Variants in PRR19 observed in about 807,000 individuals in gnomAD.
PRR19 encodes the protein proline-rich protein 19.
A neutral mutation model predicts 19.2 loss-of-function variants in PRR19; 9 were observed. The ratio of observed to expected loss-of-function variants is 0.47; its 90% CI spans 0.28 to 0.82. PRR19 has a LOEUF of 0.82. Ranked by LOEUF, PRR19 falls within the 40% of genes least tolerant of loss-of-function variation. PRR19 has a pLI of 0.11. For missense variants in PRR19, 457 were observed against 466.0 expected (o/e 0.98, Z 0.18); for synonymous variants, 190 against 191.0 (o/e 0.99, Z 0.04).
chr19:42,305,818 G>T (rs2038701010), intron 1 of PRR19, among the ~76,000 whole-genome samples: 1 of 152,152 alleles, frequency 6.6e-6, no homozygotes, highest in African/African-American at 2.4e-5. Flanking sequence ...AGGTCACACA[G>T]CCCAGTTGTG....
intron 1 of PRR19, 49 bp from the exon 2 acceptor site, chr19:42,309,530 C>T (rs1193819361): frequency 1.3e-5 from 18 of 1,409,994 alleles, no homozygotes; most frequent in East Asian, 2.3e-5. Context: ...CTTTGCTACT[C>T]CCCTTGACTT....
chr19:42,302,623 A>G, intron 1 of PRR19, 120 bp downstream of exon 1: 1 of 367,938 alleles, frequency 2.7e-6, no homozygotes, highest in Non-Finnish European at 5.0e-6. Context: ...GGGGGGAGGG[A>G]GAGGCGAGAC....
Position 42,310,531 on chromosome 19 carries a change from A to C in PRR19, c.862A>C (p.Ser288Arg). 6.2e-7 allele frequency: 1 copy of C among 1,614,186 alleles called. No individual in the cohort carries two copies. Residue 288 changes from serine to arginine, a missense_variant, in exon 3 of 3, where the codon AGC becomes CGC. Coordinates refer to ENST00000341747, the MANE Select transcript of PRR19 (RefSeq NM_199285.3). The stretch of plus-strand genomic sequence containing the variant: ...CCCAACAGCGTTTGACTTGTTAAAA[A>C]GCATCTGGCTGGTAGCCACGCCACC... The part of the protein sequence containing the change: ...GPPTAFDLLK[S>R]IWLVATPPPP...
chr19:42,309,483 A>G (rs1239716566), intron 1 of PRR19, 96 bp from the exon 2 acceptor site: 8 of 921,732 alleles, frequency 8.7e-6, no homozygotes, highest in Non-Finnish European at 1.3e-5. Context: ...TGTTGGTATT[A>G]CAGGCATAAG....
intron 1 of PRR19, among the ~76,000 whole-genome samples, chr19:42,306,327 C>A (rs1470303513): frequency 7.2e-5 from 11 of 152,240 alleles, no homozygotes; most frequent in Admixed American, 7.2e-4. Context: ...GCGCCCGCCA[C>A]CACGCCCGGC....
chr19:42,307,792 C>T (rs189949200), intron 1 of PRR19, among the ~76,000 whole-genome samples: 3 of 102,100 alleles, frequency 2.9e-5, no homozygotes, highest in Admixed American at 1.3e-4. Context: ...GAGTCTCGCT[C>T]GGTCATCCAG....
intron 1 of PRR19, among the ~76,000 whole-genome samples, chr19:42,308,118 T>C (rs1276963252): frequency 6.6e-6 from 1 of 152,156 alleles, no homozygotes; most frequent in Non-Finnish European, 1.5e-5. Context: ...CTCTGTTTCC[T>C]GGCTTATCTT....
At position 42,310,505 on chromosome 19, in the gene PRR19, C is replaced by T; in HGVS notation, c.836C>T (p.Pro279Leu). The stretch of plus-strand genomic sequence containing the variant: ...TCGCCATCTGGAACAGCCTGGGGTC[C>T]CCCAACAGCGTTTGACTTGTTAAAA... ...LSSPSGTAWG[P>L]PTAFDLLKSI... The change falls in exon 3 of 3, where the codon CCC (proline) becomes CTC (leucine). Residue 279 changes from proline (P) to leucine (L), a missense_variant. Coordinates refer to ENST00000341747, the MANE Select transcript of PRR19 (RefSeq NM_199285.3). The T allele has an allele frequency of 1.9e-6, 3 of 1,614,216 alleles. No homozygotes were observed. The highest frequency in any genetic ancestry group is 2.5e-6 in the Non-Finnish European group (3 of 1,180,030).
chr19:42,306,448 C>G (rs2038707621), intron 1 of PRR19, among the ~76,000 whole-genome samples: 1 of 152,138 alleles, frequency 6.6e-6, no homozygotes, highest in South Asian at 2.1e-4. Flanking sequence ...GCTGGGATTA[C>G]AGGCGTGAGC....
At chr19:42,304,839 T>G (rs2038691707) in intron 1 of PRR19, among the ~76,000 whole-genome samples, 1 of 150,056 alleles carries the variant, frequency 6.7e-6, no homozygotes, top group African/African-American at 2.5e-5. Flanking sequence ...GCCTGGGAGA[T>G]GAGGTGGCAG....
rs766531159 is a variant in PRR19 at position 42,310,399 on chromosome 19, A to G, written c.730A>G (p.Thr244Ala). 8.1e-6 allele frequency: 13 copies of G among 1,613,762 alleles called. No homozygotes were observed. Among genetic ancestry groups the G allele is most frequent in the Non-Finnish European group, 1.1e-5 (13 of 1,179,974 alleles). Residue 244 changes from threonine (T) to alanine (A), a missense_variant, in exon 3 of 3, where the codon ACC (threonine) becomes GCC (alanine). By Grantham distance (58) the Thr-to-Ala change is moderately conservative. Transcript: ENST00000341747. ...GGAGTTCACCTTCCCCATGCCCTAC[A>G]CCTCCAGCATGCCCACTGCGCACAG... ...TKEFTFPMPYTSSMPTAHRGS... is the reference protein window; with the variant it reads ...TKEFTFPMPYASSMPTAHRGS...
chr19:42,302,529 T>C (rs1212015641), intron 1 of PRR19, 26 bp downstream of exon 1: 2 of 504,994 alleles, frequency 4.0e-6, no homozygotes, highest in Non-Finnish European at 7.0e-6. Flanking sequence ...AACCTTCGCT[T>C]CCCCCACGAC....
In PRR19 at chr19:42,310,342, C is replaced by T; in HGVS notation, c.673C>T (p.Gln225Ter). The change falls in exon 3 of 3, where the codon CAG (glutamine) becomes TAG (stop). Residue 225 changes from glutamine (Q) to a stop codon, truncating the protein, a stop_gained. Coordinates refer to ENST00000341747, the MANE Select transcript of PRR19 (RefSeq NM_199285.3). LOFTEE classifies it low-confidence loss of function (END_TRUNC). ...WINSPDQVPE[Q>*]ERQRKQQGTK... is the part of the protein sequence containing the mutation. ...TAATAGCCCTGATCAAGTCCCAGAG[C>T]AGGAGAGGCAAAGGAAGCAACAAGG... 1 of 1,614,154 alleles carries T rather than the reference C, an allele frequency of 6.2e-7. No individual in the cohort carries two copies. The highest frequency in any genetic ancestry group is 2.2e-5 in the East Asian group (1 of 44,878).
At chr19:42,304,269 C>T (rs1288869439) in intron 1 of PRR19, among the ~76,000 whole-genome samples, 2 of 151,312 alleles carry the variant, frequency 1.3e-5, no homozygotes, top group Non-Finnish European at 2.9e-5. Flanking sequence ...CAACAGTGGC[C>T]CAGCTTGGGT....
Position 42,310,149 on chromosome 19 carries a change from GC to G in PRR19, c.568del (p.Leu190TrpfsTer22). The G allele has an allele frequency of 6.2e-7, 1 of 1,614,066 alleles. No individual in the cohort carries two copies. The highest frequency in any genetic ancestry group is 1.3e-5 in the African/African-American group (1 of 75,048). Reference sequence around the variant, plus strand: ...CTGTCATGGTTGTGTGCCTGACCTTGCCCTGGTGCTTCGGGGCTGCCAGCCA... The same window carrying G: ...CTGTCATGGTTGTGTGCCTGACCTTGCCTGGTGCTTCGGGGCTGCCAGCCA... The part of the protein sequence containing the change: ...QACHGCVPDL[A>X]LVLRGCQPPL... On this transcript the variant is annotated frameshift_variant, in exon 2 of 3. Transcript: ENST00000341747. LOFTEE classifies it low-confidence loss of function (END_TRUNC).
chr19:42,309,351 G>C, intron 1 of PRR19: 1 of 375,048 alleles, frequency 2.7e-6, no homozygotes, highest in Non-Finnish European at 4.8e-6. Flanking sequence ...TAGGATTATA[G>C]GTATGGGCCA....
chr19:42,302,534 C>A (rs915425930), intron 1 of PRR19, 31 bp downstream of exon 1: 1 of 514,302 alleles, frequency 1.9e-6, no homozygotes, highest in African/African-American at 2.0e-5. Context: ...TCGCTTCCCC[C>A]ACGACGGCCG....
intron 1 of PRR19, among the ~76,000 whole-genome samples, chr19:42,306,231 G>A (rs1034811113): frequency 1.3e-5 from 2 of 152,048 alleles, no homozygotes; most frequent in Non-Finnish European, 2.9e-5. Context: ...CGCCCAGGCT[G>A]AAATGCATCT....
chr19:42,303,214 G>A lies in PRR19; in HGVS notation c.-7+711G>A, dbSNP rs1160431604. Among the ~76,000 whole-genome samples the A allele has an allele frequency of 2.4e-4, 37 of 151,980 alleles. 2 individuals are homozygous for A. Among genetic ancestry groups the A allele is most frequent in the Admixed American group, 2.4e-3 (37 of 15,240 alleles). On this transcript the variant is annotated intron_variant, in intron 1 of 2. Transcript: ENST00000341747. ...CATAACATATAAACTACATATCTTT[G>A]CATTCAAGACACCATAGGACCTGCT...
Sources: allele counts gnomAD v4.1 joint callset (sites outside exome capture counted in the v4.1 genomes callset), GRCh38; gene constraint gnomAD v4.1.1; transcripts MANE v1.5; gene names NCBI Gene and HGNC (gene_info 2026-07-23, HGNC 2026-07-21).